NPAS2: variants seen among roughly 807,000 people sequenced by gnomAD.
NPAS2 encodes the protein neuronal PAS domain protein 2.
Under a neutral mutation model 107.5 loss-of-function variants are expected in NPAS2, and 23 were observed. The observed-to-expected ratio is 0.21, with a 90% CI of 0.15 to 0.30. The LOEUF is 0.30. Ranked by LOEUF, NPAS2 falls within the 10% of genes least tolerant of loss-of-function variation. The pLI is 1.00. For synonymous variants in NPAS2, 403 were observed against 417.5 expected (o/e 0.97, Z 0.42); for missense variants, 756 against 1,043.3 (o/e 0.72, Z 3.79).
In NPAS2 at chr2:100,941,440, G is replaced by A. The variant is rs115751234; in HGVS notation, c.363+3598G>A. On this transcript the variant is annotated intron_variant, in intron 5 of 20. Coordinates refer to ENST00000335681, the MANE Select transcript of NPAS2 (RefSeq NM_002518.4). ...TGGTCAGGTGTGGTGGCGCATGCCT[G>A]TAGTCTTAGCTACTTGAGAGGCTGA... Among the ~76,000 whole-genome samples, 731 of 152,248 alleles carry A rather than the reference G, an allele frequency of 4.8e-3. 7 individuals carry two copies. Among genetic ancestry groups the A allele is most frequent in the African/African-American group, 0.016 (676 of 41,540 alleles).
In NPAS2 at chr2:100,964,055, C is replaced by G; in HGVS notation, c.599-3C>G. The G allele has an allele frequency of 6.2e-7, 1 of 1,602,052 alleles. No homozygotes were observed. Among genetic ancestry groups the G allele is most frequent in the Non-Finnish European group, 8.6e-7 (1 of 1,168,916 alleles). ...ATGTGTCCTCTTCTTCCCAACCCCCCAGTGCCTAGCCCCTCCTGTAATGGT... is the reference window on the plus strand; with the variant it reads ...ATGTGTCCTCTTCTTCCCAACCCCCGAGTGCCTAGCCCCTCCTGTAATGGT... On this transcript the variant is annotated splice_polypyrimidine_tract_variant and splice_region_variant and intron_variant, in intron 7 of 20. Transcript: ENST00000335681.
At chr2:100,834,231 G>A (rs975634367) in intron 1 of NPAS2, among the ~76,000 whole-genome samples, 1 of 152,186 alleles carries the variant, frequency 6.6e-6, no homozygotes, top group Non-Finnish European at 1.5e-5. Context: ...ATAAGAATGA[G>A]GCTTTCTGGG....
At chr2:100,942,785 G>A (rs1482396802) in intron 5 of NPAS2, among the ~76,000 whole-genome samples, 1 of 152,140 alleles carries the variant, frequency 6.6e-6, no homozygotes, top group Non-Finnish European at 1.5e-5. Context: ...TGACTTCACT[G>A]CTAAACTCTT....
intron 1 of NPAS2, among the ~76,000 whole-genome samples, chr2:100,899,044 A>G (rs578081748): frequency 1.4e-4 from 22 of 152,102 alleles, no homozygotes; most frequent in Non-Finnish European, 2.4e-4. Context: ...ACTGAAGAAC[A>G]TTCTACAGAT....
chr2:100,860,146 A>G (rs1678848794), intron 1 of NPAS2, among the ~76,000 whole-genome samples: 1 of 152,156 alleles, frequency 6.6e-6, no homozygotes, highest in South Asian at 2.1e-4. Context: ...TCTGGTGTTT[A>G]GTTTCTTCCT....
intron 5 of NPAS2, among the ~76,000 whole-genome samples, chr2:100,943,073 T>C (rs550179297): frequency 6.6e-6 from 1 of 152,258 alleles, no homozygotes; most frequent in Non-Finnish European, 1.5e-5. Context: ...ACTGACTAGA[T>C]GTAGAATGGC....
At chr2:100,870,108 C>G (rs1679490544) in intron 1 of NPAS2, among the ~76,000 whole-genome samples, 1 of 152,000 alleles carries the variant, frequency 6.6e-6, no homozygotes, top group Admixed American at 6.6e-5. Flanking sequence ...ACCGTGTTAG[C>G]CAGGATGGTC....
intron 1 of NPAS2, among the ~76,000 whole-genome samples, chr2:100,834,179 T>C (rs866272516): frequency 3.1e-4 from 47 of 152,152 alleles, no homozygotes; most frequent in African/African-American, 9.7e-4. Context: ...CTTCCTCACC[T>C]GGAGAATCAG....
chr2:100,975,255 A>G (rs1676903081), intron 13 of NPAS2: 1 of 600,920 alleles, frequency 1.7e-6, no homozygotes, highest in Admixed American at 3.3e-5. Flanking sequence ...GCCGAAATGA[A>G]GTTTAGGGAG....
intron 1 of NPAS2, among the ~76,000 whole-genome samples, chr2:100,822,225 A>T (rs1676114094): frequency 6.6e-6 from 1 of 152,216 alleles, no homozygotes; most frequent in East Asian, 1.9e-4. Context: ...CGTTACCCCC[A>T]AAGAGTTAAC....
At chr2:100,852,192 C>T (rs369096333) in intron 1 of NPAS2, among the ~76,000 whole-genome samples, 34 of 152,044 alleles carry the variant, frequency 2.2e-4, no homozygotes, top group South Asian at 4.2e-4. Context: ...GTCAGGAGAT[C>T]AAGACCATCC....
At chr2:100,971,298 CAAAA>C (rs35040339) in intron 12 of NPAS2, among the ~76,000 whole-genome samples, 1 of 102,596 alleles carries the variant, frequency 9.7e-6, no homozygotes, top group African/African-American at 3.8e-5. Flanking sequence ...GACTCTATCT[CAAAA>C]AAAAAAAAAA....
At chr2:100,897,805 C>T (rs1319149702) in intron 1 of NPAS2, among the ~76,000 whole-genome samples, 1 of 152,238 alleles carries the variant, frequency 6.6e-6, no homozygotes, top group Non-Finnish European at 1.5e-5. Flanking sequence ...CATCCCCCGC[C>T]TCATGTAAGC....
chr2:100,912,616 A>T (rs891770446), intron 2 of NPAS2, among the ~76,000 whole-genome samples: 16 of 152,116 alleles, frequency 1.1e-4, no homozygotes, highest in Admixed American at 4.6e-4. Flanking sequence ...AGACACGCTC[A>T]CTCCCACACC....
In NPAS2 at chr2:100,848,717, C is replaced by T. The variant is rs140085324; in HGVS notation, c.-23+28303C>T. Among the ~76,000 whole-genome samples, 6 of 152,340 alleles carry T rather than the reference C, an allele frequency of 3.9e-5. No individual in the cohort carries two copies. In the East Asian group the frequency reaches 9.6e-4, roughly 24 times the overall value. The stretch of plus-strand genomic sequence containing the variant: ...GCTGGAAATGCATAAAGAGGACATT[C>T]CCTGCTAGTCAACGAATACATAGAT... On this transcript the variant is annotated intron_variant, in intron 1 of 20. Coordinates refer to ENST00000335681, the MANE Select transcript of NPAS2 (RefSeq NM_002518.4).
In NPAS2 at chr2:100,968,184, C is replaced by T; in HGVS notation, c.908-97C>T. 1 of 1,319,446 alleles carries T rather than the reference C, an allele frequency of 7.6e-7. No homozygotes were observed. Among genetic ancestry groups the T allele is most frequent in the African/African-American group, 1.5e-5 (1 of 68,428 alleles). The allele number at this position is 1,319,446 out of a possible 1,614,324, so 81.7% of individuals were successfully genotyped here. A position where few individuals can be genotyped will look rare whatever the true frequency, so the allele number is the denominator to read the frequency against. ...GGAAACAAGCCATGTTTGGTATTGT[C>T]TTTTTTTTTGAAAGCTTATCTTTAC... On this transcript the variant is annotated intron_variant, in intron 10 of 20. Transcript: ENST00000335681. The surrounding 1 kb of genome is among the most constrained non-coding windows in gnomAD (Gnocchi z 5.3).
intron 2 of NPAS2, among the ~76,000 whole-genome samples, chr2:100,923,031 T>A (rs915428227): frequency 6.6e-6 from 1 of 152,226 alleles, no homozygotes; most frequent in Non-Finnish European, 1.5e-5. Flanking sequence ...GGCCAAAAAA[T>A]TATTTATAAT....
intron 1 of NPAS2, among the ~76,000 whole-genome samples, chr2:100,880,439 A>G (rs1680259512): frequency 6.6e-6 from 1 of 152,226 alleles, no homozygotes. Flanking sequence ...ATATAGGAAT[A>G]TTATTCAGTC....
chr2:100,940,032 A>G (rs1674484574), intron 5 of NPAS2, among the ~76,000 whole-genome samples: 1 of 152,070 alleles, frequency 6.6e-6, no homozygotes, highest in South Asian at 2.1e-4. Flanking sequence ...GCAGTCCCCA[A>G]ATTTAACTGC....
Sources: gnomAD v4.1 joint callset for allele counts (sites outside exome capture counted in the v4.1 genomes callset) on GRCh38, gnomAD v4.1.1 for gene constraint, Gnocchi (gnomAD v3.1) non-coding constraint, MANE v1.5 for transcripts, NCBI Gene and HGNC (gene_info 2026-07-23, HGNC 2026-07-21) for gene names.